RAB11A: variants seen among roughly 807,000 people sequenced by gnomAD.
RAB11A encodes the protein RAB11A, member RAS oncogene family, also known as ras-related protein Rab-11A.
RAB11A carries 9 observed loss-of-function variants against 28.0 expected under a neutral mutation model. The observed-to-expected ratio is 0.32, with a 90% CI of 0.19 to 0.56. RAB11A has a LOEUF of 0.56. Ranked by LOEUF, RAB11A falls within the 20% of genes least tolerant of loss-of-function variation. The pLI is 0.91. For synonymous variants in RAB11A, 85 were observed against 88.2 expected (o/e 0.96, Z 0.20); for missense variants, 108 against 269.6 (o/e 0.40, Z 4.20).
intron 4 of RAB11A, among the ~76,000 whole-genome samples, chr15:65,881,337 C>A (rs1384412574): frequency 6.6e-6 from 1 of 152,116 alleles, no homozygotes; most frequent in Non-Finnish European, 1.5e-5. Flanking sequence ...CCCAGGAGTT[C>A]TAGGGCATTA....
At chr15:65,881,515 T>G (rs2078222309) in intron 4 of RAB11A, among the ~76,000 whole-genome samples, 1 of 152,184 alleles carries the variant, frequency 6.6e-6, no homozygotes, top group Non-Finnish European at 1.5e-5. Context: ...CAGTCCTCAT[T>G]GTTGGAATAT....
At chr15:65,869,939 C>A in intron 1 of RAB11A, 1 of 267,644 alleles carries the variant, frequency 3.7e-6, no homozygotes, top group Non-Finnish European at 7.1e-6. Flanking sequence ...ACGGCCCCGC[C>A]GCTCCTCCCA....
At chr15:65,885,588 G>A (rs966336092) in intron 4 of RAB11A, among the ~76,000 whole-genome samples, 5 of 152,314 alleles carry the variant, frequency 3.3e-5, no homozygotes, top group African/African-American at 1.2e-4. Context: ...AAGGTTTGCT[G>A]AAAGCTATCT....
intron 3 of RAB11A, 161 bp downstream of exon 3, chr15:65,878,116 TGA>T: frequency 1.3e-6 from 1 of 771,796 alleles, no homozygotes; most frequent in Non-Finnish European, 2.2e-6. Context: ...TTTTTTGCTT[TGA>T]GTCATTAAAA....
chr15:65,882,708 A>G (rs1409296139), intron 4 of RAB11A, among the ~76,000 whole-genome samples: 3 of 152,158 alleles, frequency 2.0e-5, no homozygotes, highest in African/African-American at 7.2e-5. Context: ...ACTCCATGAG[A>G]TGATTTTGCT....
intron 1 of RAB11A, among the ~76,000 whole-genome samples, chr15:65,875,272 G>A (rs189997670): frequency 2.6e-5 from 4 of 151,506 alleles, no homozygotes; most frequent in African/African-American, 9.7e-5. Context: ...TGTATTTTTT[G>A]TGTATTTTTT....
intron 1 of RAB11A, among the ~76,000 whole-genome samples, chr15:65,871,240 C>T (rs555807288): frequency 6.6e-6 from 1 of 152,330 alleles, no homozygotes; most frequent in East Asian, 1.9e-4. Context: ...TCTTACTCCT[C>T]TGACTCAGAA....
intron 4 of RAB11A, among the ~76,000 whole-genome samples, chr15:65,880,387 C>G (rs1034853740): frequency 2.6e-5 from 4 of 152,126 alleles, no homozygotes; most frequent in Non-Finnish European, 1.5e-5. Context: ...ATTAGAATAA[C>G]CAGATTTATT....
intron 4 of RAB11A, among the ~76,000 whole-genome samples, chr15:65,883,970 A>G (rs2078237956): frequency 6.6e-6 from 1 of 152,218 alleles, no homozygotes; most frequent in South Asian, 2.1e-4. Context: ...AGTAAGCTGT[A>G]GTCAACTGAA....
In RAB11A at chr15:65,879,655, TTG is replaced by T. The variant is rs1456164677; in HGVS notation, c.431-12_431-11del. The stretch of plus-strand genomic sequence containing the variant: ...TTTAAAACTTAACAAGACTGAACTT[TTG>T]TGTCTCCCCTCAGAAAAGAATGGTT... On this transcript the variant is annotated splice_polypyrimidine_tract_variant and intron_variant, in intron 3 of 4. Transcript: ENST00000261890. 1 of 1,559,208 alleles carries T rather than the reference TTG, an allele frequency of 6.4e-7. No homozygotes were observed. The highest frequency in any genetic ancestry group is 1.4e-5 in the African/African-American group (1 of 73,280).
intron 1 of RAB11A, among the ~76,000 whole-genome samples, chr15:65,870,578 T>A (rs1490160766): frequency 6.6e-6 from 1 of 152,214 alleles, no homozygotes; most frequent in African/African-American, 2.4e-5. Flanking sequence ...AAGGCCTGGT[T>A]CCTGAGCAGG....
chr15:65,869,516 C>A lies in RAB11A; in HGVS notation c.-70C>A. On this transcript the variant is annotated 5_prime_UTR_variant, in exon 1 of 5. Transcript: ENST00000261890. ...AGTTGAAGCTCGGCGCTCGGGTTAC[C>A]CCTGCAGCGACGCCCCCTGGTCCCA... 2 of 1,580,298 alleles carry A rather than the reference C, an allele frequency of 1.3e-6. No individual in the cohort carries two copies. The highest frequency in any genetic ancestry group is 1.7e-6 in the Non-Finnish European group (2 of 1,164,702).
chr15:65,878,871 A>G (rs1293212396), intron 3 of RAB11A, among the ~76,000 whole-genome samples: 1 of 152,240 alleles, frequency 6.6e-6, no homozygotes, highest in Non-Finnish European at 1.5e-5. Flanking sequence ...AGAGATGGAA[A>G]TAACTGGGCA....
chr15:65,883,493 A>G (rs1364282897), intron 4 of RAB11A, among the ~76,000 whole-genome samples: 1 of 152,180 alleles, frequency 6.6e-6, no homozygotes, highest in Non-Finnish European at 1.5e-5. Flanking sequence ...TGTCCTATTA[A>G]TTACTAGTGA....
At chr15:65,882,484 G>A (rs1323809260) in intron 4 of RAB11A, among the ~76,000 whole-genome samples, 1 of 152,192 alleles carries the variant, frequency 6.6e-6, no homozygotes, top group African/African-American at 2.4e-5. Context: ...TTGAGATGGA[G>A]CCCAGTCTGG....
At position 65,877,819 on chromosome 15, in the gene RAB11A, A is replaced by G. The variant is rs148440353; in HGVS notation, c.294A>G (p.Thr98=). Residue 98 remains threonine, a synonymous_variant, in exon 3 of 5, where the codon ACA becomes ACG. Coordinates refer to ENST00000261890, the MANE Select transcript of RAB11A (RefSeq NM_004663.5). The surrounding 1 kb of genome is among the most constrained non-coding windows in gnomAD (Gnocchi z 4.1). ...TTTATGACATTGCTAAACATCTCAC[A>G]TATGAAAATGTAGAGCGATGGCTGA... The part of the protein sequence containing the change: ...LLVYDIAKHL[T]YENVERWLKE... 14 of 1,611,174 alleles carry G rather than the reference A, an allele frequency of 8.7e-6. No individual in the cohort carries two copies. Among genetic ancestry groups the G allele is most frequent in the Admixed American group, 5.0e-5 (3 of 60,014 alleles).
chr15:65,874,699 A>ACAT (rs1283484420), intron 1 of RAB11A, among the ~76,000 whole-genome samples: 1 of 152,124 alleles, frequency 6.6e-6, no homozygotes, highest in African/African-American at 2.4e-5. Flanking sequence ...GAGATAATGA[A>ACAT]CATAATCATT....
At chr15:65,880,611 CCCTG>C (rs1274008353) in intron 4 of RAB11A, among the ~76,000 whole-genome samples, 2 of 152,038 alleles carry the variant, frequency 1.3e-5, no homozygotes, top group East Asian at 3.9e-4. Context: ...TGTATGCAGC[CCCTG>C]TATTAGAGAT....
At chr15:65,879,834 T>C (rs1260721395) in intron 4 of RAB11A, 83 bp downstream of exon 4, 3 of 1,068,070 alleles carry the variant, frequency 2.8e-6, no homozygotes, top group Non-Finnish European at 4.2e-6. Context: ...GTAACTAAAC[T>C]ATATATCAGC....
Sources: allele counts gnomAD v4.1 joint callset (sites outside exome capture counted in the v4.1 genomes callset), GRCh38; gene constraint gnomAD v4.1.1; non-coding constraint Gnocchi (gnomAD v3.1); transcripts MANE v1.5; gene names NCBI Gene and HGNC (gene_info 2026-07-23, HGNC 2026-07-21).